CBLN2: variants seen among roughly 807,000 people sequenced by gnomAD.
CBLN2 encodes cerebellin 2 precursor, also known as cerebellin-2.
In CBLN2, 7 loss-of-function variants were observed where a neutral mutation model predicts 15.0. That is an observed-to-expected ratio of 0.47 (90% CI 0.27 to 0.88). The LOEUF (loss-of-function observed/expected upper bound fraction) is 0.88. Among genes scored for constraint, CBLN2 ranks in the 40% least tolerant of loss-of-function variants. CBLN2 has a pLI of 0.14. For synonymous variants in CBLN2, 149 were observed against 135.2 expected, an observed-to-expected ratio of 1.10 and a Z score of -0.71; for missense variants, 242 against 304.5, an observed-to-expected ratio of 0.79 and a Z score of 1.53.
chr18:72,638,353 G>A (rs949746237), exon 1 of CBLN2: 4 of 398,522 alleles, frequency 1.0e-5, no homozygotes, highest in Non-Finnish European at 1.8e-5. Context: ...AGTACTCACA[G>A]AAAATGAAAA....
chr18:72,577,707 C>T (rs911347665), intron 1 of CBLN2, among the ~76,000 whole-genome samples: 4 of 152,190 alleles, frequency 2.6e-5, no homozygotes, highest in Non-Finnish European at 2.9e-5. Context: ...TTATTTCTAA[C>T]GTGCTTTGGT....
At chr18:72,597,163 A>G (rs185711674) in intron 1 of CBLN2, among the ~76,000 whole-genome samples, 1 of 152,202 alleles carries the variant, frequency 6.6e-6, no homozygotes, top group Non-Finnish European at 1.5e-5. Context: ...GTCGGCACCC[A>G]TCCTTCTTAG....
At chr18:72,603,158 T>C (rs2069560475) in intron 1 of CBLN2, among the ~76,000 whole-genome samples, 1 of 152,274 alleles carries the variant, frequency 6.6e-6, no homozygotes. Flanking sequence ...CCTGTTTCTT[T>C]GTCCTCTTAT....
intron 1 of CBLN2, among the ~76,000 whole-genome samples, chr18:72,556,185 T>G (rs596240): frequency 1.3e-5 from 2 of 152,072 alleles, no homozygotes; most frequent in East Asian, 3.9e-4. Context: ...GGAACACACA[T>G]GTTACTTCAC....
intron 1 of CBLN2, among the ~76,000 whole-genome samples, chr18:72,633,092 G>C (rs979878320): frequency 1.3e-5 from 2 of 151,968 alleles, no homozygotes; most frequent in African/African-American, 2.4e-5. Flanking sequence ...TAAAAAGTCG[G>C]GTATGTACTA....
At chr18:72,621,785 G>A (rs1599027376) in intron 1 of CBLN2, among the ~76,000 whole-genome samples, 1 of 152,304 alleles carries the variant, frequency 6.6e-6, no homozygotes, top group Middle Eastern at 3.4e-3. Flanking sequence ...ACTATGTCAT[G>A]TATGTTTGGT....
chr18:72,578,725 T>C (rs992666718), intron 1 of CBLN2, among the ~76,000 whole-genome samples: 34 of 152,326 alleles, frequency 2.2e-4, no homozygotes, highest in South Asian at 6.2e-4. Flanking sequence ...AATCCATTGA[T>C]TTTTCATTCT....
intron 1 of CBLN2, among the ~76,000 whole-genome samples, chr18:72,626,561 G>T (rs550986801): frequency 6.6e-6 from 1 of 151,980 alleles, no homozygotes; most frequent in Non-Finnish European, 1.5e-5. Flanking sequence ...TTAGCTGGGC[G>T]TGGTGGCGGG....
At chr18:72,634,734 T>C (rs143801739) in intron 1 of CBLN2, among the ~76,000 whole-genome samples, 5 of 152,304 alleles carry the variant, frequency 3.3e-5, no homozygotes, top group South Asian at 2.1e-4. Context: ...AATCTTTAGT[T>C]ATGCTCAAAT....
At chr18:72,615,358 C>A (rs560398784) in intron 1 of CBLN2, among the ~76,000 whole-genome samples, 2 of 148,742 alleles carry the variant, frequency 1.3e-5, no homozygotes, top group South Asian at 2.1e-4. Flanking sequence ...CTCACTGCAA[C>A]CTCCTCCTCC....
chr18:72,553,559 G>C (rs568076605), intron 1 of CBLN2, among the ~76,000 whole-genome samples: 2 of 152,140 alleles, frequency 1.3e-5, no homozygotes, highest in East Asian at 1.9e-4. Context: ...TTTTTGGTTA[G>C]GTTACTCAAC....
chr18:72,610,719 G>A (rs1328698315), intron 1 of CBLN2, among the ~76,000 whole-genome samples: 1 of 152,096 alleles, frequency 6.6e-6, no homozygotes, highest in Non-Finnish European at 1.5e-5. Flanking sequence ...GGTAAACCTG[G>A]CTTAAACCAT....
At chr18:72,619,427 G>A (rs2069684904) in intron 1 of CBLN2, among the ~76,000 whole-genome samples, 1 of 152,154 alleles carries the variant, frequency 6.6e-6, no homozygotes, top group Non-Finnish European at 1.5e-5. Context: ...AGAACAGGTT[G>A]TTTTAGTTTC....
intron 1 of CBLN2, among the ~76,000 whole-genome samples, chr18:72,615,621 C>G (rs1302583170): frequency 6.6e-6 from 1 of 152,064 alleles, no homozygotes; most frequent in African/African-American, 2.4e-5. Context: ...ATAGAAAATG[C>G]TTCTTATTGA....
intron 1 of CBLN2, among the ~76,000 whole-genome samples, chr18:72,605,673 A>C (rs1182999650): frequency 6.6e-6 from 1 of 152,206 alleles, no homozygotes; most frequent in Non-Finnish European, 1.5e-5. Flanking sequence ...GGCTACTTCA[A>C]ATTCACATTA....
intron 1 of CBLN2, among the ~76,000 whole-genome samples, chr18:72,582,157 C>T (rs1009056936): frequency 6.6e-6 from 1 of 152,180 alleles, no homozygotes; most frequent in African/African-American, 2.4e-5. Context: ...TTATATATGG[C>T]AGTGCAAGTC....
At chr18:72,562,125 A>C (rs2069265406) in intron 1 of CBLN2, among the ~76,000 whole-genome samples, 1 of 152,190 alleles carries the variant, frequency 6.6e-6, no homozygotes, top group South Asian at 2.1e-4. Flanking sequence ...CTTCATTTAC[A>C]ACAGATGACA....
chr18:72,550,532 GGAAA>G (rs2069185517), intron 1 of CBLN2, among the ~76,000 whole-genome samples: 1 of 151,964 alleles, frequency 6.6e-6, no homozygotes, highest in Non-Finnish European at 1.5e-5. Flanking sequence ...CGGAGGCGGC[GGAAA>G]GAAAAGCACT....
intron 1 of CBLN2, among the ~76,000 whole-genome samples, chr18:72,566,494 G>A (rs969765107): frequency 4.6e-5 from 7 of 152,184 alleles, no homozygotes; most frequent in Middle Eastern, 3.2e-3. Flanking sequence ...ATGAAATCCT[G>A]TCATTTGTGA....
Sources: gnomAD v4.1 joint callset for allele counts (sites outside exome capture counted in the v4.1 genomes callset) on GRCh38, gnomAD v4.1.1 for gene constraint, MANE v1.5 for transcripts, NCBI Gene and HGNC (gene_info 2026-07-23, HGNC 2026-07-21) for gene names.